The following HHAT variants were observed in gnomAD, a reference collection of about 807,000 sequenced individuals.
HHAT encodes hedgehog acyltransferase.
In HHAT, 47 loss-of-function variants were observed where a neutral mutation model predicts 70.8. The ratio of observed to expected loss-of-function variants is 0.66; its 90% confidence interval spans 0.53 to 0.85. The LOEUF (loss-of-function observed/expected upper bound fraction) is 0.85. Among genes scored for constraint, HHAT ranks in the 40% least tolerant of loss-of-function variants. The pLI, the probability that HHAT is intolerant of heterozygous loss-of-function variation, is 0.00. For missense variants in HHAT, 609 were observed against 604.8 expected (o/e 1.01, Z -0.07); for synonymous variants, 228 against 247.6 (o/e 0.92, Z 0.74).
chr1:210,590,124 A>G (rs923479696), intron 10 of HHAT: 1 of 152,164 alleles, frequency 6.6e-6, no homozygotes, highest in Non-Finnish European at 1.5e-5. Flanking sequence ...GTGCACAATT[A>G]GTGCTTTCAT....
intron 10 of HHAT, among the ~76,000 whole-genome samples, chr1:210,616,162 A>G (rs1667686005): frequency 6.6e-6 from 1 of 152,226 alleles, no homozygotes; most frequent in Admixed American, 6.5e-5. Context: ...ATTAACATGC[A>G]CTACCTCACT....
At chr1:210,622,659 G>A (rs1282174466) in intron 10 of HHAT, among the ~76,000 whole-genome samples, 2 of 152,206 alleles carry the variant, frequency 1.3e-5, no homozygotes, top group African/African-American at 4.8e-5. Flanking sequence ...CAGTGCCGAC[G>A]TGTGCTGCGG....
At chr1:210,568,274 A>C (rs140160443) in intron 9 of HHAT, among the ~76,000 whole-genome samples, 1 of 152,350 alleles carries the variant, frequency 6.6e-6, no homozygotes, top group South Asian at 2.1e-4. Flanking sequence ...GTAAGTTCTG[A>C]GCTCCTTCCA....
At chr1:210,572,084 C>T (rs1342279606) in intron 9 of HHAT, among the ~76,000 whole-genome samples, 2 of 152,180 alleles carry the variant, frequency 1.3e-5, no homozygotes, top group Admixed American at 6.5e-5. Flanking sequence ...TACACTGGCA[C>T]GGCTGTGTTG....
intron 1 of HHAT, among the ~76,000 whole-genome samples, chr1:210,339,868 C>A (rs147766267): frequency 6.6e-6 from 1 of 152,092 alleles, no homozygotes; most frequent in African/African-American, 2.4e-5. Flanking sequence ...TATGTTGGTG[C>A]GGATGTGGAA....
chr1:210,355,882 T>G (rs959850097), intron 2 of HHAT, among the ~76,000 whole-genome samples: 11 of 152,178 alleles, frequency 7.2e-5, no homozygotes, highest in Non-Finnish European at 1.3e-4. Flanking sequence ...ATGTTTTCAT[T>G]CTTAAGTCAG....
chr1:210,447,414 A>T (rs1009213190), intron 7 of HHAT, among the ~76,000 whole-genome samples: 5 of 152,204 alleles, frequency 3.3e-5, no homozygotes, highest in Non-Finnish European at 7.4e-5. Flanking sequence ...TCAGTGCACG[A>T]TGGATTAGAA....
Position 210,386,785 on chromosome 1 carries a change from A to G in HHAT, c.160-683A>G, listed in dbSNP as rs1230590511. Among the ~76,000 whole-genome samples, 8 of 152,042 alleles carry G rather than the reference A, an allele frequency of 5.3e-5. No individual in the cohort carries two copies. The East Asian group carries it at 1.4e-3, about 26-fold the overall frequency. On this transcript the variant is annotated intron_variant, in intron 3 of 11. Transcript: ENST00000261458. Reference sequence around the variant, plus strand: ...ATGTCCACTGTTGTCAGAGGTTTCTACCTTCTCCTCCTGGGGAGCTTCATA... The same window carrying G: ...ATGTCCACTGTTGTCAGAGGTTTCTGCCTTCTCCTCCTGGGGAGCTTCATA...
At chr1:210,583,261 T>C (rs945947793) in intron 9 of HHAT, among the ~76,000 whole-genome samples, 4 of 152,336 alleles carry the variant, frequency 2.6e-5, no homozygotes, top group African/African-American at 9.6e-5. Flanking sequence ...AGTGAGATGC[T>C]TTTAAATTAA....
At chr1:210,441,588 T>C (rs2093509667) in intron 7 of HHAT, among the ~76,000 whole-genome samples, 1 of 152,192 alleles carries the variant, frequency 6.6e-6, no homozygotes, top group Non-Finnish European at 1.5e-5. Flanking sequence ...AGGATAGCCC[T>C]ATGGCTCACC....
chr1:210,353,734 C>A (rs1344849761), intron 2 of HHAT, among the ~76,000 whole-genome samples: 1 of 151,758 alleles, frequency 6.6e-6, no homozygotes, highest in Non-Finnish European at 1.5e-5. Flanking sequence ...TTTTTTCTTT[C>A]TTTGATCAAC....
At chr1:210,505,350 G>T (rs139270775) in intron 8 of HHAT, among the ~76,000 whole-genome samples, 3 of 152,184 alleles carry the variant, frequency 2.0e-5, no homozygotes, top group African/African-American at 7.2e-5. Context: ...TAAAGATGTT[G>T]CTTGAGACTG....
chr1:210,551,317 G>A (rs1340642950), intron 9 of HHAT, among the ~76,000 whole-genome samples: 1 of 149,054 alleles, frequency 6.7e-6, no homozygotes, highest in Non-Finnish European at 1.5e-5. Context: ...GACCCATGGG[G>A]AACTGGAAGG....
intron 11 of HHAT, among the ~76,000 whole-genome samples, chr1:210,636,139 A>G (rs77422763): frequency 0.017 from 2,572 of 152,220 alleles, 29 homozygotes; most frequent in Middle Eastern, 0.027. Context: ...ATACTTGGTT[A>G]TCTTTGTCTA....
intron 6 of HHAT, among the ~76,000 whole-genome samples, chr1:210,411,738 C>G (rs1227865805): frequency 1.3e-5 from 2 of 151,972 alleles, no homozygotes; most frequent in Non-Finnish European, 2.9e-5. Context: ...AGAGTGACAC[C>G]CTGTGTCATA....
At chr1:210,404,003 C>G (rs561212764) in intron 5 of HHAT, among the ~76,000 whole-genome samples, 1 of 151,040 alleles carries the variant, frequency 6.6e-6, no homozygotes, top group South Asian at 2.1e-4. Flanking sequence ...AATGTAGAGC[C>G]AAACTGATAA....
chr1:210,423,831 C>T (rs1055768023), intron 7 of HHAT, among the ~76,000 whole-genome samples: 6 of 152,116 alleles, frequency 3.9e-5, no homozygotes, highest in Non-Finnish European at 8.8e-5. Flanking sequence ...GCATCTTTGT[C>T]AAAAATCAGT....
At chr1:210,522,233 T>G (rs1382472904) in intron 9 of HHAT, among the ~76,000 whole-genome samples, 2 of 152,110 alleles carry the variant, frequency 1.3e-5, no homozygotes, top group African/African-American at 4.8e-5. Flanking sequence ...CATCCAGAGG[T>G]GAGAAATGAC....
intron 8 of HHAT, among the ~76,000 whole-genome samples, chr1:210,509,834 A>G (rs752803496): frequency 4.6e-5 from 7 of 152,320 alleles, no homozygotes; most frequent in Non-Finnish European, 1.0e-4. Flanking sequence ...TTCTACTCAT[A>G]TCTTGTAGTC....
Sources: allele counts gnomAD v4.1 joint callset (sites outside exome capture counted in the v4.1 genomes callset), GRCh38; gene constraint gnomAD v4.1.1; transcripts MANE v1.5; gene names NCBI Gene and HGNC (gene_info 2026-07-23, HGNC 2026-07-21).